The following PCDH15 variants were observed in gnomAD, a reference collection of about 807,000 sequenced individuals.
PCDH15 encodes the protein protocadherin related 15.
In PCDH15, 129 loss-of-function variants were observed where a neutral mutation model predicts 178.5. The observed-to-expected ratio is 0.72, with a 90% confidence interval of 0.63 to 0.84. The LOEUF (loss-of-function observed/expected upper bound fraction) is 0.84. Ranked by LOEUF, PCDH15 falls within the 40% of genes least tolerant of loss-of-function variation. PCDH15 has a pLI of 0.00. For synonymous variants in PCDH15, 800 were observed against 732.0 expected, an observed-to-expected ratio of 1.09 and a Z score of -1.50; for missense variants, 2,230 against 2,099.9, an observed-to-expected ratio of 1.06 and a Z score of -1.21.
chr10:54,336,280 G>A (rs1941103982), intron 6 of PCDH15, among the ~76,000 whole-genome samples: 1 of 152,146 alleles, frequency 6.6e-6, no homozygotes, highest in Admixed American at 6.5e-5. Flanking sequence ...AGAAATTCAA[G>A]CCAGTTGCAG....
chr10:54,375,246 T>C (rs555470470), intron 4 of PCDH15, among the ~76,000 whole-genome samples: 33 of 152,154 alleles, frequency 2.2e-4, no homozygotes, highest in African/African-American at 7.9e-4. Flanking sequence ...GCATCAAAAG[T>C]TTATGAAGAA....
intron 2 of PCDH15, among the ~76,000 whole-genome samples, chr10:55,033,118 C>T (rs72801609): frequency 5.9e-5 from 9 of 152,192 alleles, no homozygotes; most frequent in Non-Finnish European, 1.0e-4. Flanking sequence ...AGTGATACCT[C>T]AGAGAGCCTC....
intron 3 of PCDH15, among the ~76,000 whole-genome samples, chr10:54,452,202 G>T (rs369870410): frequency 4.6e-5 from 7 of 151,962 alleles, no homozygotes; most frequent in African/African-American, 1.7e-4. Flanking sequence ...ATACATTTTT[G>T]ACCTTGTTTA....
At chr10:55,116,081 T>C (rs139218706) in intron 2 of PCDH15, among the ~76,000 whole-genome samples, 1 of 152,216 alleles carries the variant, frequency 6.6e-6, no homozygotes, top group East Asian at 1.9e-4. Context: ...TCTTAAGGGA[T>C]TTGTTGGTCA....
Position 54,767,580 on chromosome 10 carries a change from G to A in PCDH15, c.-29+33345C>T, listed in dbSNP as rs185404320. 5.3e-5 allele frequency among the ~76,000 whole-genome samples: 8 copies of A among 152,142 alleles called. No individual in the cohort carries two copies. In the East Asian group the frequency reaches 5.8e-4, roughly 11 times the overall value. ...CAGTGACATCACAGTTGAGAAATCC[G>A]ACAAGTCCTATTTCATCCAGGAGAT... On this transcript the variant is annotated intron_variant, in intron 1 of 37. Transcript: ENST00000644397.
chr10:54,078,686 G>A (rs1283244790), intron 17 of PCDH15, among the ~76,000 whole-genome samples: 1 of 151,948 alleles, frequency 6.6e-6, no homozygotes, highest in African/African-American at 2.4e-5. Context: ...CGGGATGCTG[G>A]CAGTTGTGAA....
At chr10:55,400,353 T>A (rs977887302) in intron 2 of PCDH15, among the ~76,000 whole-genome samples, 1 of 152,164 alleles carries the variant, frequency 6.6e-6, no homozygotes, top group African/African-American at 2.4e-5. Context: ...GGACAAGTTA[T>A]AGGAGTGAAA....
chr10:55,188,660 CA>C (rs1839862555), intron 1 of PCDH15, among the ~76,000 whole-genome samples: 1 of 151,752 alleles, frequency 6.6e-6, no homozygotes, highest in Non-Finnish European at 1.5e-5. Context: ...AGACAATTTC[CA>C]AACTTTTACA....
chr10:54,320,551 T>G (rs2061532957), intron 7 of PCDH15, among the ~76,000 whole-genome samples: 2 of 147,444 alleles, frequency 1.4e-5, no homozygotes, highest in Admixed American at 1.4e-4. Flanking sequence ...AGAAAAATAT[T>G]AATTTAAAAT....
At chr10:54,806,899 ATTGCTTTT>A (rs1186674837) in intron 3 of PCDH15, among the ~76,000 whole-genome samples, 1 of 152,132 alleles carries the variant, frequency 6.6e-6, no homozygotes, top group East Asian at 1.9e-4. Flanking sequence ...AACATGGCTG[ATTGCTTTT>A]TCAAGGCCAC....
chr10:55,623,314 GT>G (rs977032551), intron 2 of PCDH15, among the ~76,000 whole-genome samples: 1 of 152,080 alleles, frequency 6.6e-6, no homozygotes, highest in African/African-American at 2.4e-5. Context: ...GGTTGTAGTG[GT>G]TTTTTTGTTG....
At chr10:54,045,627 C>T (rs115810310) in intron 18 of PCDH15, among the ~76,000 whole-genome samples, 1,558 of 151,956 alleles carry the variant, frequency 0.01, 31 homozygotes, top group African/African-American at 0.036. Flanking sequence ...ATATGTATTG[C>T]GAGTCAGTGG....
chr10:54,206,082 G>A (rs4935506), intron 10 of PCDH15, among the ~76,000 whole-genome samples: 110,754 of 151,894 alleles, frequency 0.73, 42,212 homozygotes, highest in East Asian at 0.96. Flanking sequence ...TTAATAAAAC[G>A]AAATACTTTC....
At position 53,831,539 on chromosome 10, in the gene PCDH15, T is replaced by C. The variant is rs2077015569; in HGVS notation, c.3984-6A>G. ...GTAGTTTGCCATCCAAAAATCTTTATTGTTAGATAAATAGTAAAATTAATG... is the reference window on the plus strand; with the variant it reads ...GTAGTTTGCCATCCAAAAATCTTTACTGTTAGATAAATAGTAAAATTAATG... On this transcript the variant is annotated splice_polypyrimidine_tract_variant and splice_region_variant and intron_variant, in intron 29 of 37. Transcript: ENST00000644397. 3 of 1,593,450 alleles carry C rather than the reference T, an allele frequency of 1.9e-6. No individual in the cohort carries two copies. The highest frequency in any genetic ancestry group is 2.6e-6 in the Non-Finnish European group (3 of 1,161,546).
At chr10:55,302,659 G>A (rs751847466) in intron 1 of PCDH15, among the ~76,000 whole-genome samples, 1 of 151,960 alleles carries the variant, frequency 6.6e-6, no homozygotes, top group Non-Finnish European at 1.5e-5. Flanking sequence ...TGATTTAAAC[G>A]GTTATCTCAT....
intron 10 of PCDH15, among the ~76,000 whole-genome samples, chr10:54,210,634 T>C (rs2051326648): frequency 6.6e-6 from 1 of 151,956 alleles, no homozygotes; most frequent in Non-Finnish European, 1.5e-5. Flanking sequence ...GAGGAATGAT[T>C]CAGGAAGAGG....
At chr10:54,785,395 C>A (rs572185421) in intron 1 of PCDH15, among the ~76,000 whole-genome samples, 7 of 152,030 alleles carry the variant, frequency 4.6e-5, no homozygotes, top group African/African-American at 1.7e-4. Context: ...TATTTTAGCT[C>A]TCTAATTAAC....
chr10:55,616,402 A>G (rs1310866122), intron 2 of PCDH15, among the ~76,000 whole-genome samples: 2 of 152,186 alleles, frequency 1.3e-5, no homozygotes, highest in Non-Finnish European at 2.9e-5. Context: ...ATTTAAATAA[A>G]AAGGAGCTAG....
At chr10:55,429,852 A>G (rs1446207380) in intron 2 of PCDH15, among the ~76,000 whole-genome samples, 2 of 152,200 alleles carry the variant, frequency 1.3e-5, no homozygotes, top group Non-Finnish European at 2.9e-5. Flanking sequence ...TTTTACATTT[A>G]CACAACAGTG....
Sources: allele counts gnomAD v4.1 joint callset (sites outside exome capture counted in the v4.1 genomes callset), GRCh38; gene constraint gnomAD v4.1.1; transcripts MANE v1.5; gene names NCBI Gene and HGNC (gene_info 2026-07-23, HGNC 2026-07-21).